Variants in OR2C3 observed in about 807,000 individuals in gnomAD.
OR2C3 encodes the protein olfactory receptor 2C3.
For missense variants in OR2C3, 425 were observed against 401.5 expected (o/e 1.06, Z -0.50); for synonymous variants, 178 against 163.4 (o/e 1.09, Z -0.68).
At position 247,530,472 on chromosome 1, in the gene OR2C3, C is replaced by G. The variant is rs1666876650; in HGVS notation, c.*1077G>C. 1 of 151,582 alleles carries G rather than the reference C, an allele frequency of 6.6e-6. No individual in the cohort carries two copies. Among genetic ancestry groups the G allele is most frequent in the Non-Finnish European group, 1.5e-5 (1 of 67,850 alleles). The allele number at this position is 151,582 out of a possible 1,614,324, so 9.4% of individuals were successfully genotyped here. A position where few individuals can be genotyped will look rare whatever the true frequency, so the allele number is the denominator to read the frequency against. On this transcript the variant is annotated 3_prime_UTR_variant, in exon 3 of 3. Coordinates refer to ENST00000641802, the MANE Select transcript of OR2C3 (RefSeq NM_198074.6). ...CACTGGCTTAGAGCTCTCTGCACCT[C>G]CCTTTTCCCCTCCTTCCCTGAACCA...
At position 247,532,053 on chromosome 1, in the gene OR2C3, ACC is replaced by A. The variant is rs745467477; in HGVS notation, c.457_458del (p.Gly153SerfsTer44). The A allele has an allele frequency of 1.2e-6, 2 of 1,613,720 alleles. No homozygotes were observed. Among genetic ancestry groups the A allele is most frequent in the Middle Eastern group, 1.6e-4 (1 of 6,062 alleles). Reference sequence around the variant, plus strand: ...TGGAGCCCACCATGCTGGTGGTCAGACCCCCCAGCCAGGAGGCCAAAGCTAGC... The same window carrying A: ...TGGAGCCCACCATGCTGGTGGTCAGACCCCAGCCAGGAGGCCAAAGCTAGC... ...LGLALASWLG[G>X]LTTSMVGSTL... On this transcript the variant is annotated frameshift_variant, in exon 3 of 3. Coordinates refer to ENST00000641802, the MANE Select transcript of OR2C3 (RefSeq NM_198074.6). LOFTEE classifies it low-confidence loss of function (END_TRUNC).
chr1:247,531,854 C>T lies in OR2C3; in HGVS notation c.658G>A (p.Gly220Ser), dbSNP rs776976495. The T allele has an allele frequency of 9.3e-6, 15 of 1,614,088 alleles. No individual in the cohort carries two copies. The highest frequency in any genetic ancestry group is 5.0e-5 in the Admixed American group (3 of 60,018). ...LPLGLILVSYGHIARAVLKIR... is the reference protein window; with the variant it reads ...LPLGLILVSYSHIARAVLKIR... Reference sequence around the variant, plus strand: ...TTCAACACGGCCCGGGCAATGTGGCCGTAAGAGACCAGGATGAGCCCCAGA... The same window carrying T: ...TTCAACACGGCCCGGGCAATGTGGCTGTAAGAGACCAGGATGAGCCCCAGA... The change falls in exon 3 of 3, where the codon GGC (glycine) becomes AGC (serine). Residue 220 changes from glycine to serine, a missense_variant. Coordinates refer to ENST00000641802, the MANE Select transcript of OR2C3 (RefSeq NM_198074.6).
In OR2C3 at chr1:247,532,461, GC is replaced by G; in HGVS notation, c.50del (p.Gly17AlafsTer8). On this transcript the variant is annotated frameshift_variant, in exon 3 of 3. Transcript: ENST00000641802. LOFTEE classifies it low-confidence loss of function (END_TRUNC). ...TTTCTAGTGAGGGTCGTGTGGAGAA[GC>G]CCAGGAGGACAAAGACTTCTGGAGA... is the stretch of plus-strand genomic sequence containing the variant. ...VSSPEVFVLL[G>X]FSTRPSLETV... 1.2e-6 allele frequency: 2 copies of G among 1,613,982 alleles called. No homozygotes were observed. The highest frequency in any genetic ancestry group is 1.7e-6 in the Non-Finnish European group (2 of 1,179,864).
At position 247,528,444 on chromosome 1, in the gene OR2C3, G is replaced by T. The variant is rs1558239480; in HGVS notation, c.*3105C>A. 6.6e-6 allele frequency: 1 copy of T among 152,110 alleles called. No individual in the cohort carries two copies. Among genetic ancestry groups the T allele is most frequent in the Non-Finnish European group, 1.5e-5 (1 of 68,020 alleles). The allele number at this position is 152,110 out of a possible 1,614,324, so 9.4% of individuals were successfully genotyped here. On this transcript the variant is annotated 3_prime_UTR_variant, in exon 3 of 3. Transcript: ENST00000641802. ...GAACCTAGAAGACATTGTGTTAAGT[G>T]AAATAAGCCAAACACAAAGGGACAA... is the stretch of plus-strand genomic sequence containing the variant.
rs1449021917 is a variant in OR2C3 at position 247,532,403 on chromosome 1, T to C, written c.109A>G (p.Met37Val). ...ATGCCATTGCCCAAGATCGATACCA[T>C]GTAAAAACTCAAGACAACTATGAAG... ...VLFIVVLSFY[M>V]VSILGNGIII... The change falls in exon 3 of 3, where the codon ATG (methionine) becomes GTG (valine). Residue 37 changes from methionine (M) to valine (V), a missense_variant. By Grantham distance (21) the Met-to-Val change is conservative (BLOSUM62 1). Coordinates refer to ENST00000641802, the MANE Select transcript of OR2C3 (RefSeq NM_198074.6). 6.2e-7 allele frequency: 1 copy of C among 1,613,952 alleles called. No homozygotes were observed. Among genetic ancestry groups the C allele is most frequent in the East Asian group, 2.2e-5 (1 of 44,874 alleles).
rs148547830 is a variant in OR2C3, at chr1:247,533,165, T to C, written c.-30+342A>G. Among the ~76,000 whole-genome samples the C allele has an allele frequency of 2.8e-3, 432 of 152,248 alleles. 3 individuals carry two copies. The highest frequency in any genetic ancestry group is 0.01 in the African/African-American group (416 of 41,536). On this transcript the variant is annotated intron_variant, in intron 2 of 2. Coordinates refer to ENST00000641802, the MANE Select transcript of OR2C3 (RefSeq NM_198074.6). Reference sequence around the variant, plus strand: ...CCTGCCACTCTGGCCCATCTTGCCATCATTTATCATCTGAATTTTGATCTA... The same window carrying C: ...CCTGCCACTCTGGCCCATCTTGCCACCATTTATCATCTGAATTTTGATCTA...
In OR2C3 at chr1:247,528,648, T is replaced by C. The variant is rs1425846865; in HGVS notation, c.*2901A>G. On this transcript the variant is annotated 3_prime_UTR_variant, in exon 3 of 3. Transcript: ENST00000641802. ...ATGGTGAGGAAGGGAAACTTCCCAGTGGTCAAACTACAGGCAGTTTAGCTG... is the reference window on the plus strand; with the variant it reads ...ATGGTGAGGAAGGGAAACTTCCCAGCGGTCAAACTACAGGCAGTTTAGCTG... 2 of 152,232 alleles carry C rather than the reference T, an allele frequency of 1.3e-5. No homozygotes were observed. Among genetic ancestry groups the C allele is most frequent in the Non-Finnish European group, 2.9e-5 (2 of 68,034 alleles). 9.4% of individuals were successfully genotyped at this position (152,232 alleles called of 1,614,324 possible).
rs1321033661 is a variant in OR2C3 at position 247,525,318 on chromosome 1, G to T, written c.*6231C>A. Reference sequence around the variant, plus strand: ...CACTATCTACCTGGAAATAACGCCAGGTCTGCTGGGTGAGGGCTAAGTCTC... The same window carrying T: ...CACTATCTACCTGGAAATAACGCCATGTCTGCTGGGTGAGGGCTAAGTCTC... On this transcript the variant is annotated 3_prime_UTR_variant, in exon 3 of 3. Coordinates refer to ENST00000641802, the MANE Select transcript of OR2C3 (RefSeq NM_198074.6). 6.6e-6 allele frequency: 1 copy of T among 152,186 alleles called. No homozygotes were observed. The highest frequency in any genetic ancestry group is 1.5e-5 in the Non-Finnish European group (1 of 68,046). 9.4% of individuals were successfully genotyped at this position (152,186 alleles called of 1,614,324 possible).
intron 1 of OR2C3, among the ~76,000 whole-genome samples, chr1:247,535,305 A>T (rs903587963): frequency 6.6e-6 from 1 of 152,158 alleles, no homozygotes; most frequent in Non-Finnish European, 1.5e-5. Flanking sequence ...ACAGAGCAAG[A>T]CCCTGTCTCA....
At position 247,531,714 on chromosome 1, in the gene OR2C3, G is replaced by A. The variant is rs1217898725; in HGVS notation, c.798C>T (p.Ser266=). 6.2e-7 allele frequency: 1 copy of A among 1,614,220 alleles called. No individual in the cohort carries two copies. Among genetic ancestry groups the A allele is most frequent in the African/African-American group, 1.3e-5 (1 of 75,050 alleles). The change falls in exon 3 of 3, where the codon AGC becomes AGT. Residue 266 remains serine (S), a synonymous_variant. Transcript: ENST00000641802. ...TGAACTTGCCCTGCTCATGGGAGGT[G>A]CTCTTGGCTGGCTGGAGATACATGA... ...IIFMYLQPAK[S]TSHEQGKFIA...
rs1382299311 is a variant in OR2C3, at chr1:247,531,358, A to G, written c.*191T>C. ...AAAACCAACAACGCAATTGAACAAA[A>G]CTATGATAATTAGCAAATAATAAAT... On this transcript the variant is annotated 3_prime_UTR_variant, in exon 3 of 3. Coordinates refer to ENST00000641802, the MANE Select transcript of OR2C3 (RefSeq NM_198074.6). 3.2e-6 allele frequency: 2 copies of G among 620,454 alleles called. No individual in the cohort carries two copies. The highest frequency in any genetic ancestry group is 4.3e-4 in the Middle Eastern group (1 of 2,322). 38.4% of individuals were successfully genotyped at this position (620,454 alleles called of 1,614,324 possible).
intron 1 of OR2C3, among the ~76,000 whole-genome samples, chr1:247,534,391 G>A (rs574766269): frequency 2.6e-5 from 4 of 152,270 alleles, no homozygotes; most frequent in African/African-American, 9.6e-5. Context: ...GTAATATGAA[G>A]GCAGAGTGGA....
rs544163828 is a variant in OR2C3 at position 247,532,008 on chromosome 1, C to T, written c.504G>A (p.Pro168=). ...GGTCGATGCAATTGTTCCCACACAG[C>T]GGTAGGAGCATGGTGAGCGTGGAGC... ...MVGSTLTMLL[P]LCGNNCIDHF... Residue 168 remains proline, a synonymous_variant, in exon 3 of 3, where the codon CCG becomes CCA. Coordinates refer to ENST00000641802, the MANE Select transcript of OR2C3 (RefSeq NM_198074.6). 24 of 1,614,086 alleles carry T rather than the reference C, an allele frequency of 1.5e-5. No homozygotes were observed. Among genetic ancestry groups the T allele is most frequent in the African/African-American group, 9.3e-5 (7 of 75,036 alleles).
chr1:247,531,348 A>G lies in OR2C3; in HGVS notation c.*201T>C, dbSNP rs1157694197. On this transcript the variant is annotated 3_prime_UTR_variant, in exon 3 of 3. Coordinates refer to ENST00000641802, the MANE Select transcript of OR2C3 (RefSeq NM_198074.6). The stretch of plus-strand genomic sequence containing the variant: ...ATATATAGCAAAAACCAACAACGCA[A>G]TTGAACAAAACTATGATAATTAGCA... 1.5e-5 allele frequency: 9 copies of G among 603,976 alleles called. No homozygotes were observed. The highest frequency in any genetic ancestry group is 5.6e-5 in the African/African-American group (3 of 54,036). 37.4% of individuals were successfully genotyped at this position (603,976 alleles called of 1,614,324 possible).
intron 1 of OR2C3, among the ~76,000 whole-genome samples, chr1:247,535,578 T>C (rs540322534): frequency 6.6e-6 from 1 of 152,292 alleles, no homozygotes; most frequent in East Asian, 1.9e-4. Flanking sequence ...TTTTGTTGAC[T>C]CACAGTTGAT....
rs541356914 is a variant in OR2C3, at chr1:247,529,597, A to G, written c.*1952T>C. On this transcript the variant is annotated 3_prime_UTR_variant, in exon 3 of 3. Transcript: ENST00000641802. ...TGATGCATAATAATCCAGTTGAAGA[A>G]TGTTGCTTCACTTCACTGAAAGTTT... 2.6e-5 allele frequency: 4 copies of G among 152,082 alleles called. No individual in the cohort carries two copies. The highest frequency in any genetic ancestry group is 5.9e-5 in the Non-Finnish European group (4 of 68,030). 9.4% of individuals were successfully genotyped at this position (152,082 alleles called of 1,614,324 possible).
At position 247,529,178 on chromosome 1, in the gene OR2C3, A is replaced by T. The variant is rs1666804760; in HGVS notation, c.*2371T>A. The T allele has an allele frequency of 6.6e-6, 1 of 152,226 alleles. No individual in the cohort carries two copies. The allele number at this position is 152,226 out of a possible 1,614,324, so 9.4% of individuals were successfully genotyped here. A position where few individuals can be genotyped will look rare whatever the true frequency, so the allele number is the denominator to read the frequency against. Reference sequence around the variant, plus strand: ...GCAATGTTAGTCTTTATAGGGACAGAATAATATTGTGGGGACAGTTTTGTC... The same window carrying T: ...GCAATGTTAGTCTTTATAGGGACAGTATAATATTGTGGGGACAGTTTTGTC... On this transcript the variant is annotated 3_prime_UTR_variant, in exon 3 of 3. Coordinates refer to ENST00000641802, the MANE Select transcript of OR2C3 (RefSeq NM_198074.6).
chr1:247,534,265 C>A (rs1667128311), intron 1 of OR2C3, among the ~76,000 whole-genome samples: 1 of 152,140 alleles, frequency 6.6e-6, no homozygotes, highest in Admixed American at 6.5e-5. Flanking sequence ...ACCTCTGGGT[C>A]CCCAGTGTCT....
Position 247,531,387 on chromosome 1 carries a change from T to G in OR2C3, c.*162A>C. The G allele has an allele frequency of 2.9e-6, 2 of 681,134 alleles. No homozygotes were observed. The highest frequency in any genetic ancestry group is 4.9e-6 in the Non-Finnish European group (2 of 408,822). 42.2% of individuals were successfully genotyped at this position (681,134 alleles called of 1,614,324 possible). A position where few individuals can be genotyped will look rare whatever the true frequency, so the allele number is the denominator to read the frequency against. ...TGATAATTAGCAAATAATAAATGTA[T>G]TTTCTTGGTCTGGAAATGGCATGAG... On this transcript the variant is annotated 3_prime_UTR_variant, in exon 3 of 3. Coordinates refer to ENST00000641802, the MANE Select transcript of OR2C3 (RefSeq NM_198074.6).
Sources: allele counts gnomAD v4.1 joint callset (sites outside exome capture counted in the v4.1 genomes callset), GRCh38; gene constraint gnomAD v4.1.1; transcripts MANE v1.5; gene names NCBI Gene and HGNC (gene_info 2026-07-23, HGNC 2026-07-21).